KREMEN2: variants seen among roughly 807,000 people sequenced by gnomAD.
The protein encoded by KREMEN2 is kringle containing transmembrane protein 2, also known as kremen protein 2.
In KREMEN2, 43 loss-of-function variants were observed where a neutral mutation model predicts 49.8. The ratio of observed to expected loss-of-function variants is 0.86; its 90% confidence interval spans 0.68 to 1.11. KREMEN2 has a LOEUF of 1.11. Ranked by LOEUF, KREMEN2 falls within the 50% of genes most tolerant of loss-of-function variation. KREMEN2 has a pLI of 0.00. For synonymous variants in KREMEN2, 355 were observed against 304.9 expected (o/e 1.16, Z -1.71); for missense variants, 686 against 665.7 (o/e 1.03, Z -0.34).
rs1172904894 is a variant in KREMEN2, at chr16:2,966,227, T to C, written c.357T>C (p.Cys119=). ...GGCGCTACTGCGACATCCCCTCCTG[T>C]CACAGTGAGTAGCGCGGCTGGACAG... ...IYWRYCDIPS[C]HMPGYLGCFV... Residue 119 remains cysteine (C), a synonymous_variant, in exon 3 of 9, where the codon TGT becomes TGC. Coordinates refer to ENST00000303746, the MANE Select transcript of KREMEN2 (RefSeq NM_172229.3). The surrounding 1 kb of genome is among the most constrained non-coding windows in gnomAD (Gnocchi z 8.4). 5 of 1,613,290 alleles carry C rather than the reference T, an allele frequency of 3.1e-6. No individual in the cohort carries two copies. The East Asian group carries it at 8.9e-5, about 29-fold the overall frequency.
chr16:2,965,208 G>A (rs937502963), intron 2 of KREMEN2, among the ~76,000 whole-genome samples, 175 bp downstream of exon 2: 1 of 151,998 alleles, frequency 6.6e-6, no homozygotes, highest in Non-Finnish European at 1.5e-5. Context: ...GGCGGGGCGC[G>A]CGGAACCCTG....
Position 2,967,261 on chromosome 16 carries a change from C to T in KREMEN2, c.973+19C>T, listed in dbSNP as rs1455312555. On this transcript the variant is annotated intron_variant, in intron 6 of 8. Transcript: ENST00000303746. Reference sequence around the variant, plus strand: ...TACCGCGGTGAGCCTCAGCTCGGCGCGCCCTGCCCGCTGTTCCCACCCCGC... The same window carrying T: ...TACCGCGGTGAGCCTCAGCTCGGCGTGCCCTGCCCGCTGTTCCCACCCCGC... The T allele has an allele frequency of 3.5e-5, 47 of 1,352,026 alleles. No individual in the cohort carries two copies. Among genetic ancestry groups the T allele is most frequent in the Non-Finnish European group, 4.3e-5 (46 of 1,060,666 alleles). The allele number at this position is 1,352,026 out of a possible 1,614,324, so 83.8% of individuals were successfully genotyped here.
In KREMEN2 at chr16:2,966,467, A is replaced by G; in HGVS notation, c.486+18A>G. On this transcript the variant is annotated intron_variant, in intron 4 of 8. Transcript: ENST00000303746. This position sits in a 1 kb window ranked among gnomAD's most constrained non-coding sequence, Gnocchi z 8.4. ...GGTACCAGGTACTGCTCACGGGCCCAGACCAGTGACCCCTGACCTGGACCT... is the reference window on the plus strand; with the variant it reads ...GGTACCAGGTACTGCTCACGGGCCCGGACCAGTGACCCCTGACCTGGACCT... The G allele has an allele frequency of 1.2e-6, 2 of 1,608,592 alleles. No homozygotes were observed. Among genetic ancestry groups the G allele is most frequent in the South Asian group, 1.1e-5 (1 of 90,950 alleles).
At position 2,967,845 on chromosome 16, in the gene KREMEN2, C is replaced by A. The variant is rs1056625315; in HGVS notation, c.1214C>A (p.Ala405Glu). The change falls in exon 9 of 9, where the codon GCG (alanine) becomes GAG (glutamate). Residue 405 changes from alanine to glutamate, a missense_variant. By Grantham distance (107) the Ala-to-Glu change is moderately radical. Transcript: ENST00000303746. ...CTGGCTCCGGGAAAAGGGCCCCCGG[C>A]GCTGGGGGCTTCCAGGGGCCCCAGG... The part of the protein sequence containing the change: ...CLLAPGKGPP[A>E]LGASRGPRRS... The A allele has an allele frequency of 6.4e-7, 1 of 1,552,008 alleles. No homozygotes were observed. Among genetic ancestry groups the A allele is most frequent in the Non-Finnish European group, 8.7e-7 (1 of 1,148,092 alleles).
Position 2,966,901 on chromosome 16 carries a change from C to G in KREMEN2, c.641-9C>G. ...TCCTCAGGATGCTGACTGCCGGCCC[C>G]GCCCGCAGTGTCGGTGGGCTCCTGC... is the stretch of plus-strand genomic sequence containing the variant. On this transcript the variant is annotated splice_polypyrimidine_tract_variant and intron_variant, in intron 5 of 8. Transcript: ENST00000303746. This position sits in a 1 kb window ranked among gnomAD's most constrained non-coding sequence, Gnocchi z 8.4. The G allele has an allele frequency of 6.5e-7, 1 of 1,541,916 alleles. No homozygotes were observed. The highest frequency in any genetic ancestry group is 8.8e-7 in the Non-Finnish European group (1 of 1,142,372).
rs1233960263 is a variant in KREMEN2, at chr16:2,964,568, G to T, written c.48G>T (p.Pro16=). The T allele has an allele frequency of 1.2e-6, 2 of 1,608,384 alleles. No homozygotes were observed. Among genetic ancestry groups the T allele is most frequent in the South Asian group, 1.1e-5 (1 of 90,474 alleles). ...GCTTCCTCTTTCTCCTCTTCCTCCC[G>T]CTGCTGCAGCCGCGTGGGGCCTCGG... is the stretch of plus-strand genomic sequence containing the variant. ...LQGFLFLLFL[P]LLQPRGASAG... is the part of the protein sequence containing the mutation. Residue 16 remains proline, a synonymous_variant, in exon 1 of 9, where the codon CCG becomes CCT. Coordinates refer to ENST00000303746, the MANE Select transcript of KREMEN2 (RefSeq NM_172229.3).
At position 2,966,850 on chromosome 16, in the gene KREMEN2, CGGGCA is replaced by C; in HGVS notation, c.641-56_641-52del. 1 of 1,581,062 alleles carries C rather than the reference CGGGCA, an allele frequency of 6.3e-7. No homozygotes were observed. The highest frequency in any genetic ancestry group is 8.6e-7 in the Non-Finnish European group (1 of 1,164,866). On this transcript the variant is annotated intron_variant, in intron 5 of 8. Transcript: ENST00000303746. The surrounding 1 kb of genome is among the most constrained non-coding windows in gnomAD (Gnocchi z 8.4). ...GGCGGGCCTCGAGGTGGGGCCTGGC[CGGGCA>C]GGGGAGCCGCCGTGTCCTGGTCCTC...
rs11866302 is a variant in KREMEN2, at chr16:2,967,853, G to A, written c.1222G>A (p.Ala408Thr). 6.2e-5 allele frequency: 97 copies of A among 1,552,712 alleles called. No homozygotes were observed. Among genetic ancestry groups the A allele is most frequent in the Non-Finnish European group, 8.3e-5 (95 of 1,148,646 alleles). The change falls in exon 9 of 9, where the codon GCT becomes ACT. Residue 408 changes from alanine (A) to threonine (T), a missense_variant. Transcript: ENST00000303746. ...APGKGPPALG[A>T]SRGPRRSWAV... ...GGGAAAAGGGCCCCCGGCGCTGGGG[G>A]CTTCCAGGGGCCCCAGGAGAAGCTG...
At position 2,968,302 on chromosome 16, in the gene KREMEN2, G is replaced by A; in HGVS notation, c.*282G>A. 1 of 1,469,818 alleles carries A rather than the reference G, an allele frequency of 6.8e-7. No individual in the cohort carries two copies. Among genetic ancestry groups the A allele is most frequent in the African/African-American group, 1.4e-5 (1 of 71,750 alleles). The allele number at this position is 1,469,818 out of a possible 1,614,324, so 91.0% of individuals were successfully genotyped here. On this transcript the variant is annotated 3_prime_UTR_variant, in exon 9 of 9. Coordinates refer to ENST00000303746, the MANE Select transcript of KREMEN2 (RefSeq NM_172229.3). ...CCTCTGGGGGTGGTCCTGGACTGCC[G>A]TCCTCAGTGAGAGGTCACAGGTCAG...
chr16:2,964,441 C>CCTCTGGGAGGACAACGCCCCCTAGGT lies in KREMEN2; in HGVS notation c.-80_-79insCTCTGGGAGGACAACGCCCCCTAGGT. 1.0e-6 allele frequency: 1 copy of CCTCTGGGAGGACAACGCCCCCTAGGT among 1,002,358 alleles called. No homozygotes were observed. Among genetic ancestry groups the CCTCTGGGAGGACAACGCCCCCTAGGT allele is most frequent in the South Asian group, 1.6e-5 (1 of 62,018 alleles). The allele number at this position is 1,002,358 out of a possible 1,614,324, so 62.1% of individuals were successfully genotyped here. On this transcript the variant is annotated 5_prime_UTR_variant, in exon 1 of 9. Coordinates refer to ENST00000303746, the MANE Select transcript of KREMEN2 (RefSeq NM_172229.3). Reference sequence around the variant, plus strand: ...TGTCAGAGGACAACGCCCCCTAGGTCTCCTGGGAGACCCCGAAGCGACCCC... The same window carrying CCTCTGGGAGGACAACGCCCCCTAGGT: ...TGTCAGAGGACAACGCCCCCTAGGTCCTCTGGGAGGACAACGCCCCCTAGGTTCCTGGGAGACCCCGAAGCGACCCC...
chr16:2,967,124 C>T lies in KREMEN2; in HGVS notation c.855C>T (p.Ala285=). ...CGGCTTCGGGCAGCCTGCTCCGCGC[C>T]TTCGATGGCGCCCGCCCACCGCCGT... ...RDAASGSLLR[A]FDGARPPPSG... is the part of the protein sequence containing the mutation. Residue 285 remains alanine (A), a synonymous_variant, in exon 6 of 9, where the codon GCC becomes GCT. Transcript: ENST00000303746. 10 of 1,418,492 alleles carry T rather than the reference C, an allele frequency of 7.0e-6. No homozygotes were observed. The highest frequency in any genetic ancestry group is 9.1e-6 in the Non-Finnish European group (10 of 1,094,656). 87.9% of individuals were successfully genotyped at this position (1,418,492 alleles called of 1,614,324 possible).
rs762400558 is a variant in KREMEN2, at chr16:2,966,626, C to T, written c.487-16C>T. 7 of 1,607,288 alleles carry T rather than the reference C, an allele frequency of 4.4e-6. No individual in the cohort carries two copies. In the Admixed American group the frequency reaches 8.3e-5, roughly 19 times the overall value. On this transcript the variant is annotated splice_polypyrimidine_tract_variant and intron_variant, in intron 4 of 8. Transcript: ENST00000303746. The surrounding 1 kb of genome is among the most constrained non-coding windows in gnomAD (Gnocchi z 8.4). ...CCCCAGCCCCTGCCCTGGGGTCACC[C>T]AGTCTGTGCTCCCAGCTGGCGGGCG...
chr16:2,964,868 A>G lies in KREMEN2; in HGVS notation c.104A>G (p.Glu35Gly). The part of the protein sequence containing the change: ...AGSLHSPGLS[E>G]CFQVNGADYR... The stretch of plus-strand genomic sequence containing the variant: ...TGCCTTTGCCGTGCAGGCCTGTCCG[A>G]ATGCTTCCAGGTGAATGGGGCTGAC... The change falls in exon 2 of 9, where the codon GAA becomes GGA. Residue 35 changes from glutamate to glycine, a missense_variant. Glu to Gly is a moderately conservative substitution (Grantham distance 98). Transcript: ENST00000303746. 6.2e-7 allele frequency: 1 copy of G among 1,610,900 alleles called. No homozygotes were observed. The highest frequency in any genetic ancestry group is 8.5e-7 in the Non-Finnish European group (1 of 1,179,142).
Position 2,967,230 on chromosome 16 carries a change from C to T in KREMEN2, c.961C>T (p.Leu321Phe), listed in dbSNP as rs1446440909. The change falls in exon 6 of 9, where the codon CTC becomes TTC. Residue 321 changes from leucine (L) to phenylalanine (F), a missense_variant. Leu to Phe is a conservative substitution (Grantham distance 22). Coordinates refer to ENST00000303746, the MANE Select transcript of KREMEN2 (RefSeq NM_172229.3). ...GCGCGGCCACGCGCAAGGCTTCGCGCTCACCTACCGCGGTGAGCCTCAGCT... is the reference window on the plus strand; with the variant it reads ...GCGCGGCCACGCGCAAGGCTTCGCGTTCACCTACCGCGGTGAGCCTCAGCT... Reference protein sequence around the residue: ...DARGHAQGFALTYRGLQDAAE... With the variant: ...DARGHAQGFAFTYRGLQDAAE... 9 of 1,356,038 alleles carry T rather than the reference C, an allele frequency of 6.6e-6. No homozygotes were observed. Among genetic ancestry groups the T allele is most frequent in the Non-Finnish European group, 8.5e-6 (9 of 1,063,436 alleles). 84.0% of individuals were successfully genotyped at this position (1,356,038 alleles called of 1,614,324 possible).
chr16:2,966,660 G>A lies in KREMEN2; in HGVS notation c.505G>A (p.Gly169Ser), dbSNP rs1192180326. 6.2e-6 allele frequency: 10 copies of A among 1,610,428 alleles called. No individual in the cohort carries two copies. Among genetic ancestry groups the A allele is most frequent in the African/African-American group, 1.3e-5 (1 of 75,046 alleles). ...KGYQLAGVEAGYACFCGSESD... is the reference protein window; with the variant it reads ...KGYQLAGVEASYACFCGSESD... ...CTCCCAGCTGGCGGGCGTGGAGGCC[G>A]GTTACGCCTGCTTCTGTGGCTCTGA... Residue 169 changes from glycine to serine, a missense_variant, in exon 5 of 9, where the codon GGT becomes AGT. Transcript: ENST00000303746. This position sits in a 1 kb window ranked among gnomAD's most constrained non-coding sequence, Gnocchi z 8.4.
Position 2,967,909 on chromosome 16 carries a change from G to A in KREMEN2, c.1278G>A (p.Val426=). 6.4e-7 allele frequency: 1 copy of A among 1,566,664 alleles called. No individual in the cohort carries two copies. The highest frequency in any genetic ancestry group is 1.2e-5 in the South Asian group (1 of 85,388). Residue 426 remains valine (V), a synonymous_variant, in exon 9 of 9, where the codon GTG becomes GTA. Transcript: ENST00000303746. The part of the protein sequence containing the change: ...WAVWYQQPRG[V]ALPCSPGDPQ... ...TGTGGTACCAACAGCCCCGAGGGGT[G>A]GCCTTGCCCTGCTCCCCCGGGGACC...
At position 2,964,844 on chromosome 16, in the gene KREMEN2, G is replaced by A; in HGVS notation, c.95-15G>A. The A allele has an allele frequency of 6.2e-7, 1 of 1,609,786 alleles. No individual in the cohort carries two copies. Among genetic ancestry groups the A allele is most frequent in the Non-Finnish European group, 8.5e-7 (1 of 1,178,694 alleles). On this transcript the variant is annotated splice_polypyrimidine_tract_variant and intron_variant, in intron 1 of 8. Transcript: ENST00000303746. ...GTGGGTCCGGACCTCCCCAGGCCCT[G>A]CCTTTGCCGTGCAGGCCTGTCCGAA... is the stretch of plus-strand genomic sequence containing the variant.
Position 2,967,538 on chromosome 16 carries a change from C to T in KREMEN2, c.1112C>T (p.Ser371Leu), listed in dbSNP as rs1412876336. Residue 371 changes from serine (S) to leucine (L), a missense_variant, in exon 8 of 9, where the codon TCG becomes TTG. Ser to Leu is a moderately radical substitution (Grantham distance 145, BLOSUM62 -2). Coordinates refer to ENST00000303746, the MANE Select transcript of KREMEN2 (RefSeq NM_172229.3). ...CGTGTGCCCGCAGCCCGGGTCTTCT[C>T]GACGGTGACGGCTGTCTCGGTGCTG... Reference protein sequence around the residue: ...PPAAIGARVFSTVTAVSVLLL... With the variant: ...PPAAIGARVFLTVTAVSVLLL... The T allele has an allele frequency of 3.3e-6, 5 of 1,532,084 alleles. No individual in the cohort carries two copies. The highest frequency in any genetic ancestry group is 4.0e-5 in the Admixed American group (2 of 50,416). The allele number at this position is 1,532,084 out of a possible 1,614,324, so 94.9% of individuals were successfully genotyped here. A position where few individuals can be genotyped will look rare whatever the true frequency, so the allele number is the denominator to read the frequency against.
chr16:2,967,927 C>A lies in KREMEN2; in HGVS notation c.1296C>A (p.Pro432=), dbSNP rs755438945. The stretch of plus-strand genomic sequence containing the variant: ...GAGGGGTGGCCTTGCCCTGCTCCCC[C>A]GGGGACCCCCAGGCTGAGGGTTCTG... ...QPRGVALPCS[P]GDPQAEGSAA... Residue 432 remains proline, a synonymous_variant, in exon 9 of 9, where the codon CCC becomes CCA. Coordinates refer to ENST00000303746, the MANE Select transcript of KREMEN2 (RefSeq NM_172229.3). The A allele has an allele frequency of 3.2e-6, 5 of 1,578,442 alleles. No individual in the cohort carries two copies. In the East Asian group the frequency reaches 1.2e-4, roughly 36 times the overall value.
Sources: allele counts gnomAD v4.1 joint callset (sites outside exome capture counted in the v4.1 genomes callset), GRCh38; gene constraint gnomAD v4.1.1; non-coding constraint Gnocchi (gnomAD v3.1); transcripts MANE v1.5; gene names NCBI Gene and HGNC (gene_info 2026-07-23, HGNC 2026-07-21).